IGF2BP3: variants seen among roughly 807,000 people sequenced by gnomAD.
The protein encoded by IGF2BP3 is insulin-like growth factor 2 mRNA-binding protein 3.
A neutral mutation model predicts 73.8 loss-of-function variants in IGF2BP3; 9 were observed. The observed-to-expected ratio is 0.12, with a 90% CI of 0.07 to 0.21. The LOEUF (loss-of-function observed/expected upper bound fraction) is 0.21. Ranked by LOEUF, IGF2BP3 falls within the 10% of genes least tolerant of loss-of-function variation. IGF2BP3 has a pLI of 1.00. For missense variants in IGF2BP3, 542 were observed against 714.0 expected (o/e 0.76, Z 2.75); for synonymous variants, 258 against 256.7 (o/e 1.01, Z -0.05).
chr7:23,453,666 T>C (rs1031037897), intron 2 of IGF2BP3, among the ~76,000 whole-genome samples: 1 of 152,232 alleles, frequency 6.6e-6, no homozygotes, highest in South Asian at 2.1e-4. Flanking sequence ...TACTGCCAAA[T>C]AGTGTGCCAA....
chr7:23,343,615 C>T, intron 9 of IGF2BP3, 103 bp downstream of exon 9: 1 of 1,125,934 alleles, frequency 8.9e-7, no homozygotes, highest in Non-Finnish European at 1.3e-6. Context: ...ACTAGAACTA[C>T]TTCTAGTGAT....
chr7:23,424,390 C>T lies in IGF2BP3; in HGVS notation c.237-5566G>A, dbSNP rs189462764. Among the ~76,000 whole-genome samples the T allele has an allele frequency of 5.6e-3, 852 of 151,846 alleles. 12 individuals carry two copies. The highest frequency in any genetic ancestry group is 0.019 in the African/African-American group (807 of 41,390). On this transcript the variant is annotated intron_variant, in intron 2 of 14. Transcript: ENST00000258729. The stretch of plus-strand genomic sequence containing the variant: ...GCAGGCACCTGTAATCTCAGCTACT[C>T]GGGAGGCTGAGGCAGGAGAATCGCC...
At chr7:23,446,966 G>A (rs1032898637) in intron 2 of IGF2BP3, among the ~76,000 whole-genome samples, 1 of 151,816 alleles carries the variant, frequency 6.6e-6, no homozygotes, top group African/African-American at 2.4e-5. Context: ...ACTTTCGGAG[G>A]CTGAGGCAGG....
At chr7:23,422,073 C>G (rs552261487) in intron 2 of IGF2BP3, among the ~76,000 whole-genome samples, 24 of 152,212 alleles carry the variant, frequency 1.6e-4, no homozygotes, top group African/African-American at 5.3e-4. Context: ...AGCCACCATG[C>G]CTGGCCCTAT....
chr7:23,446,328 A>G (rs1346613572), intron 2 of IGF2BP3, among the ~76,000 whole-genome samples: 1 of 151,860 alleles, frequency 6.6e-6, no homozygotes, highest in Non-Finnish European at 1.5e-5. Context: ...TTGGGAGACC[A>G]AGGTGGGTGG....
chr7:23,415,818 C>T (rs942303782), intron 3 of IGF2BP3, among the ~76,000 whole-genome samples: 3 of 152,212 alleles, frequency 2.0e-5, no homozygotes, highest in African/African-American at 7.2e-5. Context: ...AGTCACTACT[C>T]TGGATTCTCT....
At chr7:23,314,188 T>A (rs962859076) in intron 12 of IGF2BP3, among the ~76,000 whole-genome samples, 16 of 149,940 alleles carry the variant, frequency 1.1e-4, no homozygotes, top group African/African-American at 2.3e-4. Context: ...TGACTTATTT[T>A]TTTTTTTTTT....
At chr7:23,378,858 C>G (rs1424737983) in intron 3 of IGF2BP3, among the ~76,000 whole-genome samples, 1 of 152,102 alleles carries the variant, frequency 6.6e-6, no homozygotes, top group Non-Finnish European at 1.5e-5. Flanking sequence ...AGGTGTGAGC[C>G]ACCGTGCCTG....
Position 23,332,506 on chromosome 7 carries a change from A to T in IGF2BP3, c.1203+9558T>A, listed in dbSNP as rs368187906. Among the ~76,000 whole-genome samples, 48 of 152,364 alleles carry T rather than the reference A, an allele frequency of 3.2e-4. No homozygotes were observed. The East Asian group carries it at 8.1e-3, about 26-fold the overall frequency. Reference sequence around the variant, plus strand: ...TTTAGAACACATACATCAGAAGAAGACTTGCCTTCCTACTAAACTATTATG... The same window carrying T: ...TTTAGAACACATACATCAGAAGAAGTCTTGCCTTCCTACTAAACTATTATG... On this transcript the variant is annotated intron_variant, in intron 10 of 14. Transcript: ENST00000258729.
chr7:23,361,726 G>C lies in IGF2BP3; in HGVS notation c.301C>G (p.Leu101Val). ...HLQWEVLDSLLVQYGVVESCE... is the reference protein window; with the variant it reads ...HLQWEVLDSLVVQYGVVESCE... ...CTCTCCACCACTCCATACTGGACTA[G>C]TAAACTATCCAGCACCTATCAGGAG... The change falls in exon 4 of 15, where the codon CTA (leucine) becomes GTA (valine). Residue 101 changes from leucine to valine, a missense_variant. Leu to Val is a conservative substitution (Grantham distance 32). Transcript: ENST00000258729. 1 of 1,613,594 alleles carries C rather than the reference G, an allele frequency of 6.2e-7. No homozygotes were observed. The highest frequency in any genetic ancestry group is 8.5e-7 in the Non-Finnish European group (1 of 1,179,646).
chr7:23,332,676 A>G (rs190063261), intron 10 of IGF2BP3, among the ~76,000 whole-genome samples: 2 of 152,362 alleles, frequency 1.3e-5, no homozygotes, highest in African/African-American at 4.8e-5. Context: ...AAGATACTAT[A>G]TAACTCACAG....
chr7:23,404,347 G>A (rs978553675), intron 3 of IGF2BP3, among the ~76,000 whole-genome samples: 10 of 152,106 alleles, frequency 6.6e-5, no homozygotes, highest in Admixed American at 2.6e-4. Flanking sequence ...TGAAATATCA[G>A]TCATTACCAT....
At chr7:23,462,244 T>C (rs900607997) in intron 2 of IGF2BP3, among the ~76,000 whole-genome samples, 18 of 152,330 alleles carry the variant, frequency 1.2e-4, no homozygotes, top group African/African-American at 3.1e-4. Flanking sequence ...ATAACTGATA[T>C]ACCATAACCA....
chr7:23,410,218 G>A (rs1419324944), intron 3 of IGF2BP3, among the ~76,000 whole-genome samples: 3 of 151,928 alleles, frequency 2.0e-5, no homozygotes, highest in Non-Finnish European at 4.4e-5. Flanking sequence ...ATAGCCAGGT[G>A]TGGTGGTATG....
chr7:23,434,508 G>A (rs1015120384), intron 2 of IGF2BP3, among the ~76,000 whole-genome samples: 3 of 152,116 alleles, frequency 2.0e-5, no homozygotes, highest in Non-Finnish European at 4.4e-5. Flanking sequence ...AAATAATTGT[G>A]TTCAAGAAAC....
At position 23,460,201 on chromosome 7, in the gene IGF2BP3, A is replaced by AAAAAAAAC. The variant is rs34563888; in HGVS notation, c.236+8280_236+8281insGTTTTTTT. Among the ~76,000 whole-genome samples the AAAAAAAAC allele has an allele frequency of 1.2e-3, 170 of 146,992 alleles. 3 individuals carry two copies. The highest frequency in any genetic ancestry group is 1.9e-3 in the Non-Finnish European group (126 of 66,282). ...CTCAAAAAAAAAAAAAAAAAACAAA[A>AAAAAAAAC]ACGAAAGTGAGCTCACACTCACCAG... On this transcript the variant is annotated intron_variant, in intron 2 of 14. Transcript: ENST00000258729.
intron 3 of IGF2BP3, among the ~76,000 whole-genome samples, chr7:23,374,919 T>C (rs1785670261): frequency 6.6e-6 from 1 of 152,188 alleles, no homozygotes; most frequent in Admixed American, 6.5e-5. Flanking sequence ...TCACAGTTTA[T>C]GTTCTTCTGC....
At chr7:23,398,650 T>G (rs1166599390) in intron 3 of IGF2BP3, among the ~76,000 whole-genome samples, 1 of 152,206 alleles carries the variant, frequency 6.6e-6, no homozygotes, top group Non-Finnish European at 1.5e-5. Flanking sequence ...GATTTGCATT[T>G]CTCTGATGGC....
chr7:23,317,535 A>C, intron 12 of IGF2BP3, 104 bp downstream of exon 12: 8 of 812,528 alleles, frequency 9.8e-6, no homozygotes, highest in Non-Finnish European at 1.7e-5. Context: ...AAGAATTTCC[A>C]TTGACTCTTT....
Sources: allele counts gnomAD v4.1 joint callset (sites outside exome capture counted in the v4.1 genomes callset), GRCh38; gene constraint gnomAD v4.1.1; transcripts MANE v1.5; gene names NCBI Gene and HGNC (gene_info 2026-07-23, HGNC 2026-07-21).